Variants in PIP observed in about 807,000 individuals in gnomAD.
The protein encoded by PIP is prolactin induced protein.
A neutral mutation model predicts 12.8 loss-of-function variants in PIP; 9 were observed. That is an observed-to-expected ratio of 0.70 (90% CI 0.42 to 1.23). The LOEUF (loss-of-function observed/expected upper bound fraction) is 1.23, where lower values mean the gene tolerates loss of function less well. Among genes scored for constraint, PIP ranks in the 50% most tolerant of loss-of-function variants. The pLI, the probability that PIP is intolerant of heterozygous loss-of-function variation, is 0.00. For synonymous variants in PIP, 60 were observed against 66.1 expected (o/e 0.91, Z 0.45); for missense variants, 172 against 179.5 (o/e 0.96, Z 0.24).
intron 1 of PIP, among the ~76,000 whole-genome samples, chr7:143,132,909 T>G (rs1214171990): frequency 1.3e-5 from 2 of 152,052 alleles, no homozygotes; most frequent in African/African-American, 4.8e-5. Context: ...GTTTTCTCTA[T>G]AGCAGTAGGG....
At chr7:143,137,534 G>A (rs1444639772) in intron 2 of PIP, among the ~76,000 whole-genome samples, 1 of 152,098 alleles carries the variant, frequency 6.6e-6, no homozygotes. Flanking sequence ...GGCATGCAAC[G>A]GATTCTGATC....
At chr7:143,132,252 G>A (rs1305555016) in intron 1 of PIP, 41 bp downstream of exon 1, 9 of 1,606,142 alleles carry the variant, frequency 5.6e-6, no homozygotes, top group Admixed American at 1.7e-5. Flanking sequence ...AAAATTGCAG[G>A]GAGGGCTCCT....
In PIP at chr7:143,139,649, C is replaced by T; in HGVS notation, c.*7C>T. The T allele has an allele frequency of 6.2e-7, 1 of 1,604,542 alleles. No individual in the cohort carries two copies. The highest frequency in any genetic ancestry group is 8.5e-7 in the Non-Finnish European group (1 of 1,172,304). ...AATCCTAAAGGTAGAATAATGGAAGCCCTGTCTGTTTGCCACACCCAGGTG... is the reference window on the plus strand; with the variant it reads ...AATCCTAAAGGTAGAATAATGGAAGTCCTGTCTGTTTGCCACACCCAGGTG... On this transcript the variant is annotated 3_prime_UTR_variant, in exon 4 of 4. Coordinates refer to ENST00000291009, the MANE Select transcript of PIP (RefSeq NM_002652.3).
chr7:143,132,256 G>A, intron 1 of PIP, 45 bp downstream of exon 1: 1 of 1,602,224 alleles, frequency 6.2e-7, no homozygotes, highest in Non-Finnish European at 8.5e-7. Flanking sequence ...TTGCAGGGAG[G>A]GCTCCTCTCC....
chr7:143,139,446 C>T, intron 3 of PIP, 72 bp from the exon 4 acceptor site: 2 of 1,569,576 alleles, frequency 1.3e-6, no homozygotes, highest in Non-Finnish European at 1.7e-6. Flanking sequence ...GGGGCAGATG[C>T]CTGATATGAG....
chr7:143,139,576 T>C lies in PIP; in HGVS notation c.375T>C (p.Asp125=), dbSNP rs1184362201. The change falls in exon 4 of 4, where the codon GAT becomes GAC. Residue 125 remains aspartate (D), a synonymous_variant. Transcript: ENST00000291009. ...TTCGGGAATTAGGCATCTGCCCTGA[T>C]GATGCTGCTGTAATCCCCATCAAAA... The part of the protein sequence containing the change: ...DVIRELGICP[D]DAAVIPIKNN... The C allele has an allele frequency of 6.2e-7, 1 of 1,611,168 alleles. No homozygotes were observed. The highest frequency in any genetic ancestry group is 8.5e-7 in the Non-Finnish European group (1 of 1,177,416).
chr7:143,139,211 G>A, intron 3 of PIP, 22 bp downstream of exon 3: 1 of 1,329,848 alleles, frequency 7.5e-7, no homozygotes, highest in East Asian at 2.3e-5. Context: ...AGTTGTCCAA[G>A]GAGGGAACTA....
Position 143,139,190 on chromosome 7 carries a change from G to GT in PIP, c.316+2dup. Reference sequence around the variant, plus strand: ...TTCTACTGGGACTTTTACACCAACAGTAAGTACAGAAGTTGTCCAAGGAGG... The same window carrying GT: ...TTCTACTGGGACTTTTACACCAACAGTTAAGTACAGAAGTTGTCCAAGGAGG... On this transcript the variant is annotated splice_donor_variant, in intron 3 of 3. Coordinates refer to ENST00000291009, the MANE Select transcript of PIP (RefSeq NM_002652.3). LOFTEE classifies it high-confidence loss of function. 1 of 1,511,304 alleles carries GT rather than the reference G, an allele frequency of 6.6e-7. No homozygotes were observed. The highest frequency in any genetic ancestry group is 9.2e-7 in the Non-Finnish European group (1 of 1,085,672). 93.6% of individuals were successfully genotyped at this position (1,511,304 alleles called of 1,614,324 possible). A position where few individuals can be genotyped will look rare whatever the true frequency, so the allele number is the denominator to read the frequency against.
At chr7:143,136,727 A>C (rs536020040) in intron 2 of PIP, among the ~76,000 whole-genome samples, 1 of 152,170 alleles carries the variant, frequency 6.6e-6, no homozygotes, top group South Asian at 2.1e-4. Flanking sequence ...ATAAAATTAC[A>C]TGTGACATAA....
At chr7:143,139,336 C>T in intron 3 of PIP, 147 bp downstream of exon 3, 1 of 827,824 alleles carries the variant, frequency 1.2e-6, no homozygotes, top group South Asian at 1.5e-5. Flanking sequence ...ATGGGGAGAG[C>T]AGATGGGGAA....
rs117622631 is a variant in PIP at position 143,132,818 on chromosome 7, G to A, written c.95+607G>A. Among the ~76,000 whole-genome samples, 928 of 152,220 alleles carry A rather than the reference G, an allele frequency of 6.1e-3. 8 individuals are homozygous for A. The highest frequency in any genetic ancestry group is 9.6e-3 in the Non-Finnish European group (653 of 67,966). On this transcript the variant is annotated intron_variant, in intron 1 of 3. Transcript: ENST00000291009. ...TATTGAGAACACATGTGTGAAGGAA[G>A]CAGAAAAATTGGAGCAAGTAAAATA...
chr7:143,134,473 C>T lies in PIP; in HGVS notation c.96-721C>T, dbSNP rs536222874. On this transcript the variant is annotated intron_variant, in intron 1 of 3. Transcript: ENST00000291009. Reference sequence around the variant, plus strand: ...TAGTGGTTGTAGCAGTTTACATTCCCGTCAGCAGTATAGAAGTGTCCCCTG... The same window carrying T: ...TAGTGGTTGTAGCAGTTTACATTCCTGTCAGCAGTATAGAAGTGTCCCCTG... 3.2e-4 allele frequency among the ~76,000 whole-genome samples: 48 copies of T among 151,566 alleles called. No individual in the cohort carries two copies. In the South Asian group the frequency reaches 7.7e-3, roughly 24 times the overall value.
intron 3 of PIP, 92 bp from the exon 4 acceptor site, chr7:143,139,426 T>C: frequency 1.3e-6 from 2 of 1,503,982 alleles, no homozygotes; most frequent in South Asian, 1.2e-5. Context: ...TTGGGGAAAC[T>C]GAACCCCAGG....
chr7:143,134,758 C>G (rs1374316303), intron 1 of PIP, among the ~76,000 whole-genome samples: 1 of 151,736 alleles, frequency 6.6e-6, no homozygotes, highest in Non-Finnish European at 1.5e-5. Context: ...TTTTTAAAAA[C>G]TTGTTTTTGG....
intron 2 of PIP, among the ~76,000 whole-genome samples, chr7:143,137,490 T>C (rs1799320530): frequency 6.6e-6 from 1 of 152,148 alleles, no homozygotes; most frequent in Non-Finnish European, 1.5e-5. Flanking sequence ...TAAACTGCAC[T>C]GGTCTTTGGC....
chr7:143,132,300 T>G lies in PIP; in HGVS notation c.95+89T>G, dbSNP rs1306843941. ...AAATTACATATCTCTTTCTGAGAAT[T>G]TCTTTCAACTTCCCAGAACTCTAGT... On this transcript the variant is annotated intron_variant, in intron 1 of 3. Transcript: ENST00000291009. The G allele has an allele frequency of 6.9e-6, 10 of 1,441,828 alleles. No homozygotes were observed. The Admixed American group carries it at 1.3e-4, about 18-fold the overall frequency. The allele number at this position is 1,441,828 out of a possible 1,614,324, so 89.3% of individuals were successfully genotyped here.
chr7:143,134,872 T>A (rs1203753869), intron 1 of PIP, among the ~76,000 whole-genome samples: 1 of 152,010 alleles, frequency 6.6e-6, no homozygotes, highest in Non-Finnish European at 1.5e-5. Context: ...TGTGCAAGTA[T>A]CTTTTCTAAA....
chr7:143,136,045 T>C (rs1799306447), intron 2 of PIP, among the ~76,000 whole-genome samples: 1 of 152,074 alleles, frequency 6.6e-6, no homozygotes, highest in Non-Finnish European at 1.5e-5. Context: ...GGATCACATT[T>C]TTGAGCAGCT....
intron 1 of PIP, among the ~76,000 whole-genome samples, chr7:143,133,078 C>T (rs1799261245): frequency 6.6e-6 from 1 of 151,896 alleles, no homozygotes; most frequent in Non-Finnish European, 1.5e-5. Context: ...CAGATCCCAC[C>T]CCATTCCCGC....
Sources: gnomAD v4.1 joint callset for allele counts (sites outside exome capture counted in the v4.1 genomes callset) on GRCh38, gnomAD v4.1.1 for gene constraint, MANE v1.5 for transcripts, NCBI Gene and HGNC (gene_info 2026-07-23, HGNC 2026-07-21) for gene names.